The following GRM3 variants were observed in gnomAD, a reference collection of about 807,000 sequenced individuals.
GRM3 encodes glutamate metabotropic receptor 3.
A neutral mutation model predicts 70.5 loss-of-function variants in GRM3; 26 were observed. The ratio of observed to expected loss-of-function variants is 0.37; its 90% CI spans 0.27 to 0.51. The LOEUF (loss-of-function observed/expected upper bound fraction) is 0.51, where lower values mean the gene tolerates loss of function less well. GRM3 is among the 20% of genes least tolerant of loss of function. The probability of loss-of-function intolerance (pLI) is 0.93; values close to 1 mark genes in which losing one functional copy is unlikely to be tolerated. For missense variants in GRM3, 859 were observed against 1,123.8 expected, an observed-to-expected ratio of 0.76 and a Z score of 3.37; for synonymous variants, 443 against 434.9, an observed-to-expected ratio of 1.02 and a Z score of -0.23.
intron 1 of GRM3, among the ~76,000 whole-genome samples, chr7:86,711,843 A>T (rs1406344187): frequency 2.0e-5 from 3 of 152,014 alleles, no homozygotes; most frequent in African/African-American, 7.2e-5. Context: ...TGTTTTATTT[A>T]CACTTAGGGA....
intron 2 of GRM3, among the ~76,000 whole-genome samples, chr7:86,781,321 C>T (rs1014203281): frequency 2.6e-5 from 4 of 152,134 alleles, no homozygotes; most frequent in African/African-American, 9.7e-5. Context: ...TCTTTGTTCA[C>T]TTCTGAGGAA....
chr7:86,717,559 A>G (rs1795347252), intron 1 of GRM3, among the ~76,000 whole-genome samples: 1 of 151,974 alleles, frequency 6.6e-6, no homozygotes, highest in African/African-American at 2.4e-5. Flanking sequence ...TCTGAAGCTT[A>G]TATTGTGCCT....
At chr7:86,847,625 A>C (rs2116762386) in intron 4 of GRM3, among the ~76,000 whole-genome samples, 1 of 152,318 alleles carries the variant, frequency 6.6e-6, no homozygotes, top group East Asian at 1.9e-4. Flanking sequence ...AAGTTCAAGT[A>C]GAATAGATAA....
intron 1 of GRM3, among the ~76,000 whole-genome samples, chr7:86,649,264 G>A (rs1200805652): frequency 6.6e-6 from 1 of 152,008 alleles, no homozygotes; most frequent in Non-Finnish European, 1.5e-5. Flanking sequence ...AATTTTCTTG[G>A]TATAGAAAAT....
At chr7:86,732,786 A>T (rs1795764586) in intron 1 of GRM3, among the ~76,000 whole-genome samples, 1 of 152,194 alleles carries the variant, frequency 6.6e-6, no homozygotes, top group Non-Finnish European at 1.5e-5. Flanking sequence ...AGTGGAAAAT[A>T]ATTCTGGAAT....
intron 1 of GRM3, among the ~76,000 whole-genome samples, chr7:86,696,497 C>T (rs533299678): frequency 2.7e-4 from 41 of 152,262 alleles, no homozygotes; most frequent in African/African-American, 8.7e-4. Flanking sequence ...TAGCCCTGGA[C>T]TTATTTCAGA....
chr7:86,667,244 G>A (rs1794051225), intron 1 of GRM3, among the ~76,000 whole-genome samples: 1 of 152,052 alleles, frequency 6.6e-6, no homozygotes. Flanking sequence ...CCAGATTGTT[G>A]CAGAATTAAG....
At chr7:86,848,549 GGGA>G (rs1798699935) in intron 4 of GRM3, among the ~76,000 whole-genome samples, 1 of 151,994 alleles carries the variant, frequency 6.6e-6, no homozygotes, top group Non-Finnish European at 1.5e-5. Flanking sequence ...TGAGTTGACT[GGGA>G]GATCTCTATT....
intron 1 of GRM3, among the ~76,000 whole-genome samples, chr7:86,709,582 C>G (rs935366918): frequency 1.3e-5 from 2 of 151,978 alleles, no homozygotes; most frequent in African/African-American, 4.8e-5. Flanking sequence ...GTGGGGGTAG[C>G]AAATGGAACC....
intron 3 of GRM3, among the ~76,000 whole-genome samples, chr7:86,796,851 T>C (rs1304134088): frequency 6.6e-6 from 1 of 152,122 alleles, no homozygotes; most frequent in Non-Finnish European, 1.5e-5. Context: ...TGGGTGGTAA[T>C]TGAATCATGG....
chr7:86,688,821 T>C (rs1274679829), intron 1 of GRM3, among the ~76,000 whole-genome samples: 1 of 148,412 alleles, frequency 6.7e-6, no homozygotes, highest in Non-Finnish European at 1.5e-5. Context: ...ATATGATATA[T>C]ATATATATAT....
chr7:86,793,795 A>T (rs1052437122), intron 3 of GRM3, among the ~76,000 whole-genome samples: 3 of 151,960 alleles, frequency 2.0e-5, no homozygotes, highest in Non-Finnish European at 4.4e-5. Flanking sequence ...GCTGCTTGTT[A>T]TTTTTACTAT....
chr7:86,749,725 C>T (rs552220569), intron 1 of GRM3, among the ~76,000 whole-genome samples: 1 of 152,170 alleles, frequency 6.6e-6, no homozygotes, highest in Admixed American at 6.6e-5. Context: ...GTTAAGCCAA[C>T]ACAAATATGT....
At chr7:86,723,387 TG>T (rs560788225) in intron 1 of GRM3, among the ~76,000 whole-genome samples, 89 of 152,280 alleles carry the variant, frequency 5.8e-4, no homozygotes, top group African/African-American at 2.0e-3. Context: ...TTATACATAA[TG>T]GTGACTGGCT....
chr7:86,743,127 T>A (rs78068553), intron 1 of GRM3, among the ~76,000 whole-genome samples: 6,754 of 152,246 alleles, frequency 0.044, 488 homozygotes, highest in African/African-American at 0.15. Context: ...TGATCGTATC[T>A]CTTTGAAGAT....
intron 1 of GRM3, among the ~76,000 whole-genome samples, chr7:86,750,178 A>G (rs1796197435): frequency 6.6e-6 from 1 of 152,106 alleles, no homozygotes; most frequent in South Asian, 2.1e-4. Flanking sequence ...TGCACACCTA[A>G]TATATGCCTG....
intron 1 of GRM3, among the ~76,000 whole-genome samples, chr7:86,762,128 C>T (rs572399131): frequency 3.9e-5 from 6 of 152,198 alleles, no homozygotes; most frequent in African/African-American, 1.4e-4. Flanking sequence ...TTTTGCCTTC[C>T]ATGGCAGTTT....
intron 1 of GRM3, among the ~76,000 whole-genome samples, chr7:86,740,719 T>C (rs992991434): frequency 6.6e-6 from 1 of 152,060 alleles, no homozygotes; most frequent in African/African-American, 2.4e-5. Flanking sequence ...TCGAGTCATT[T>C]CAAAAATTAA....
chr7:86,772,594 T>C (rs1211535828), intron 2 of GRM3, among the ~76,000 whole-genome samples: 1 of 152,100 alleles, frequency 6.6e-6, no homozygotes, highest in African/African-American at 2.4e-5. Flanking sequence ...AGGGCCATTT[T>C]GAATGTTAGA....
Sources: gnomAD v4.1 joint callset for allele counts (sites outside exome capture counted in the v4.1 genomes callset) on GRCh38, gnomAD v4.1.1 for gene constraint, MANE v1.5 for transcripts, NCBI Gene and HGNC (gene_info 2026-07-23, HGNC 2026-07-21) for gene names.